The following PACRG variants were observed in gnomAD, a reference collection of about 807,000 sequenced individuals.
PACRG encodes parkin coregulated, also known as parkin coregulated gene protein.
In PACRG, 29 loss-of-function variants were observed where a neutral mutation model predicts 29.7. That is an observed-to-expected ratio of 0.98 (90% confidence interval 0.73 to 1.33). PACRG has a LOEUF of 1.33. Among genes scored for constraint, PACRG ranks in the 40% most tolerant of loss-of-function variants. The pLI, the probability that PACRG is intolerant of heterozygous loss-of-function variation, is 0.00. For missense variants in PACRG, 279 were observed against 316.2 expected, an observed-to-expected ratio of 0.88 and a Z score of 0.89; for synonymous variants, 116 against 118.7, an observed-to-expected ratio of 0.98 and a Z score of 0.15.
intron 2 of PACRG, among the ~76,000 whole-genome samples, chr6:162,910,189 A>G (rs1796213354): frequency 1.3e-5 from 2 of 152,114 alleles, no homozygotes; most frequent in Admixed American, 1.3e-4. Flanking sequence ...AATTATTCTT[A>G]TTTCTTAGGT....
At chr6:162,865,995 G>T (rs1045267113) in intron 2 of PACRG, among the ~76,000 whole-genome samples, 1 of 152,090 alleles carries the variant, frequency 6.6e-6, no homozygotes, top group African/African-American at 2.4e-5. Context: ...ATGCATGAAA[G>T]AAATATTACA....
chr6:162,912,271 G>C (rs1249103300), intron 2 of PACRG, among the ~76,000 whole-genome samples: 1 of 152,104 alleles, frequency 6.6e-6, no homozygotes, highest in Non-Finnish European at 1.5e-5. Flanking sequence ...ATTCCCTTCT[G>C]CCACTAATAG....
rs9689932 is a variant in PACRG, at chr6:163,028,707, C to T, written c.292-33443C>T. 6.7e-3 allele frequency among the ~76,000 whole-genome samples: 1,015 copies of T among 152,166 alleles called. 14 individuals carry two copies. Among genetic ancestry groups the T allele is most frequent in the African/African-American group, 0.023 (955 of 41,494 alleles). ...GACATTGGTAGTGCTTTACTTAATA[C>T]GAAACTCTAAATCTTATCAGGACTG... On this transcript the variant is annotated intron_variant, in intron 2 of 4. Transcript: ENST00000366888.
intron 4 of PACRG, among the ~76,000 whole-genome samples, chr6:163,169,172 C>T (rs1006835505): frequency 5.3e-5 from 8 of 152,330 alleles, no homozygotes; most frequent in South Asian, 2.1e-4. Flanking sequence ...AGGCTAATCC[C>T]AGTTGTCCTT....
chr6:163,214,934 C>T (rs1189997167), intron 4 of PACRG, among the ~76,000 whole-genome samples: 1 of 152,114 alleles, frequency 6.6e-6, no homozygotes, highest in African/African-American at 2.4e-5. Context: ...TCTTGCCTTA[C>T]CACTGATTTT....
intron 2 of PACRG, chr6:163,046,673 A>C (rs1809432103): frequency 6.6e-6 from 1 of 152,138 alleles, no homozygotes; most frequent in Admixed American, 6.5e-5. Context: ...TCTTTCGACA[A>C]GCTGATCATA....
At chr6:162,758,184 C>T (rs1782075241) in intron 1 of PACRG, among the ~76,000 whole-genome samples, 1 of 152,108 alleles carries the variant, frequency 6.6e-6, no homozygotes, top group Admixed American at 6.5e-5. Context: ...TCTTATCTGA[C>T]AGCCGTGTAA....
At chr6:163,040,139 C>A (rs1361579051) in intron 2 of PACRG, among the ~76,000 whole-genome samples, 1 of 152,246 alleles carries the variant, frequency 6.6e-6, no homozygotes, top group African/African-American at 2.4e-5. Context: ...ATCCCAGCTA[C>A]TTCAGCTCCG....
rs1778054882 is a variant in PACRG at position 163,150,866 on chromosome 6, T to A, written c.613+61458T>A. On this transcript the variant is annotated intron_variant, in intron 4 of 4. Transcript: ENST00000366888. ...TTGAAATTATAAATTTTGGAAATCATGACCTAGGGTAATGTTTTCTGTGCT... is the reference window on the plus strand; with the variant it reads ...TTGAAATTATAAATTTTGGAAATCAAGACCTAGGGTAATGTTTTCTGTGCT... Among the ~76,000 whole-genome samples, 2 of 152,238 alleles carry A rather than the reference T, an allele frequency of 1.3e-5. 1 individual carries two copies. Among genetic ancestry groups the A allele is most frequent in the South Asian group, 4.1e-4 (2 of 4,836 alleles).
At chr6:163,047,544 G>C (rs1809523688) in intron 2 of PACRG, among the ~76,000 whole-genome samples, 1 of 152,094 alleles carries the variant, frequency 6.6e-6, no homozygotes, top group Non-Finnish European at 1.5e-5. Flanking sequence ...ACAATTCCTG[G>C]ATAATAAAGG....
chr6:162,732,206 G>A (rs6455848), intron 1 of PACRG, among the ~76,000 whole-genome samples: 4 of 151,946 alleles, frequency 2.6e-5, no homozygotes, highest in South Asian at 2.1e-4. Flanking sequence ...CCAAGCCCAC[G>A]TACCTGTCTC....
chr6:162,805,404 G>T (rs950280563), intron 1 of PACRG, among the ~76,000 whole-genome samples: 5 of 152,184 alleles, frequency 3.3e-5, no homozygotes, highest in African/African-American at 4.8e-5. Flanking sequence ...TGAGCCTTCA[G>T]TGAGTCTTAG....
chr6:162,868,190 G>A (rs1379091777), intron 2 of PACRG, among the ~76,000 whole-genome samples: 1 of 152,182 alleles, frequency 6.6e-6, no homozygotes, highest in African/African-American at 2.4e-5. Context: ...AGGATACACG[G>A]TGTTCCTAGA....
chr6:162,837,947 GAAAAT>G lies in PACRG; in HGVS notation c.291+23670_291+23674del, dbSNP rs542326022. Among the ~76,000 whole-genome samples, 9 of 151,998 alleles carry G rather than the reference GAAAAT, an allele frequency of 5.9e-5. No homozygotes were observed. The South Asian group carries it at 1.9e-3, about 32-fold the overall frequency. On this transcript the variant is annotated intron_variant, in intron 2 of 4. Transcript: ENST00000366888. ...AATAAATACAAAGAATCAAGGTAGA[GAAAAT>G]AAAGAGCATTTCCTTATTGAAATGA...
chr6:163,276,814 C>T (rs1784046186), intron 4 of PACRG, among the ~76,000 whole-genome samples: 1 of 152,178 alleles, frequency 6.6e-6, no homozygotes, highest in Non-Finnish European at 1.5e-5. Context: ...AATGACTCTG[C>T]TGGTGCCTTG....
intron 2 of PACRG, among the ~76,000 whole-genome samples, chr6:163,039,261 G>A (rs1441495686): frequency 6.6e-6 from 1 of 152,158 alleles, no homozygotes; most frequent in Non-Finnish European, 1.5e-5. Context: ...AGTTTCCTGA[G>A]GCCTTCCCAG....
At chr6:163,190,129 C>A (rs1780138039) in intron 4 of PACRG, 1 of 152,198 alleles carries the variant, frequency 6.6e-6, no homozygotes, top group South Asian at 2.1e-4. Context: ...CAAATGAGGA[C>A]AAACAGCTCA....
intron 2 of PACRG, among the ~76,000 whole-genome samples, chr6:162,882,924 A>AT (rs1794021676): frequency 6.6e-6 from 1 of 152,224 alleles, no homozygotes; most frequent in African/African-American, 2.4e-5. Flanking sequence ...GGGCATTAGC[A>AT]TTTGTGTGAA....
intron 4 of PACRG, among the ~76,000 whole-genome samples, chr6:163,172,093 T>C (rs960100147): frequency 6.6e-6 from 1 of 152,248 alleles, no homozygotes; most frequent in African/African-American, 2.4e-5. Context: ...TCTTTCACTG[T>C]AATCCCAGGA....
Sources: allele counts gnomAD v4.1 joint callset (sites outside exome capture counted in the v4.1 genomes callset), GRCh38; gene constraint gnomAD v4.1.1; transcripts MANE v1.5; gene names NCBI Gene and HGNC (gene_info 2026-07-23, HGNC 2026-07-21).